The following FMN2 variants were observed in gnomAD, a reference collection of about 807,000 sequenced individuals.
FMN2 encodes the protein formin 2.
FMN2 carries 51 observed loss-of-function variants against 142.3 expected under a neutral mutation model. That is an observed-to-expected ratio of 0.36 (90% CI 0.29 to 0.45). FMN2 has a LOEUF of 0.45. FMN2 is among the 20% of genes least tolerant of loss of function. The pLI is 1.00. For synonymous variants in FMN2, 882 were observed against 869.8 expected (o/e 1.01, Z -0.25); for missense variants, 1,936 against 2,122.8 (o/e 0.91, Z 1.73).
chr1:240,436,209 CCTGA>C (rs1326857668), intron 15 of FMN2, among the ~76,000 whole-genome samples: 1 of 152,122 alleles, frequency 6.6e-6, no homozygotes, highest in African/African-American at 2.4e-5. Context: ...CACTTCACAG[CCTGA>C]CTCTTTCTCA....
intron 2 of FMN2, among the ~76,000 whole-genome samples, chr1:240,148,134 A>G (rs1663566780): frequency 6.6e-6 from 1 of 152,190 alleles, no homozygotes; most frequent in Non-Finnish European, 1.5e-5. Flanking sequence ...CTTGTGTGTA[A>G]CTGAGAAACT....
chr1:240,214,323 G>A (rs1023897938), intron 6 of FMN2, among the ~76,000 whole-genome samples: 8 of 151,534 alleles, frequency 5.3e-5, no homozygotes, highest in South Asian at 2.1e-4. Context: ...AGGCCGAGGC[G>A]GGCGGATCAC....
At chr1:240,324,349 C>A (rs1671079867) in intron 8 of FMN2, among the ~76,000 whole-genome samples, 1 of 152,108 alleles carries the variant, frequency 6.6e-6, no homozygotes, top group African/African-American at 2.4e-5. Context: ...TTAAAAAATA[C>A]AAACTGTGCT....
At chr1:240,295,125 T>A (rs998161647) in intron 8 of FMN2, among the ~76,000 whole-genome samples, 18 of 152,084 alleles carry the variant, frequency 1.2e-4, no homozygotes, top group African/African-American at 4.3e-4. Flanking sequence ...ATTATTTTTT[T>A]AAATTTAAAT....
At chr1:240,288,119 G>A (rs986690) in intron 7 of FMN2, among the ~76,000 whole-genome samples, 41,771 of 152,066 alleles carry the variant, frequency 0.27, 6,327 homozygotes, top group Admixed American at 0.46. Flanking sequence ...TAGCCTTTCA[G>A]CATTCGAGAA....
chr1:240,267,946 C>G (rs1668873698), intron 7 of FMN2, among the ~76,000 whole-genome samples: 2 of 151,980 alleles, frequency 1.3e-5, no homozygotes. Context: ...AAATGCAAAT[C>G]CAAATCATTA....
At chr1:240,411,131 T>C (rs1048796454) in intron 15 of FMN2, among the ~76,000 whole-genome samples, 2 of 152,190 alleles carry the variant, frequency 1.3e-5, no homozygotes, top group Non-Finnish European at 2.9e-5. Context: ...AATATAAATT[T>C]TCAGACACGC....
chr1:240,194,170 C>T (rs1665825463), intron 4 of FMN2, among the ~76,000 whole-genome samples: 1 of 151,818 alleles, frequency 6.6e-6, no homozygotes, highest in Non-Finnish European at 1.5e-5. Flanking sequence ...CTAAATTTGT[C>T]TAAACTTGAT....
intron 2 of FMN2, among the ~76,000 whole-genome samples, chr1:240,149,024 T>C (rs967386785): frequency 1.3e-5 from 2 of 152,174 alleles, no homozygotes; most frequent in Non-Finnish European, 2.9e-5. Context: ...GTAATCTTAT[T>C]CAATATATAC....
intron 7 of FMN2, among the ~76,000 whole-genome samples, chr1:240,266,020 C>CTTCT (rs11408550): frequency 0.019 from 2,583 of 136,404 alleles, 78 homozygotes; most frequent in African/African-American, 0.067. Flanking sequence ...CTGTTACTTC[C>CTTCT]TTTTTTTTTT....
intron 7 of FMN2, among the ~76,000 whole-genome samples, chr1:240,264,854 G>C (rs993728975): frequency 6.6e-6 from 1 of 152,062 alleles, no homozygotes; most frequent in Non-Finnish European, 1.5e-5. Context: ...TTTGAACTTT[G>C]CTTCTTCCGC....
chr1:240,094,617 C>A (rs1393327401), intron 1 of FMN2, among the ~76,000 whole-genome samples: 1 of 152,032 alleles, frequency 6.6e-6, no homozygotes, highest in Non-Finnish European at 1.5e-5. Flanking sequence ...ACCTTAAGAG[C>A]CCAACATGTT....
At chr1:240,443,394 C>G (rs760397887) in intron 16 of FMN2, among the ~76,000 whole-genome samples, 1 of 152,258 alleles carries the variant, frequency 6.6e-6, no homozygotes, top group South Asian at 2.1e-4. Context: ...CATCACTGAG[C>G]AACACAAAAC....
At chr1:240,359,623 T>C (rs758516710) in intron 14 of FMN2, among the ~76,000 whole-genome samples, 5 of 152,342 alleles carry the variant, frequency 3.3e-5, no homozygotes, top group South Asian at 2.1e-4. Flanking sequence ...CAAGATTTCA[T>C]GGTCTATGTT....
In FMN2 at chr1:240,367,685, G is replaced by A. The variant is rs147934415; in HGVS notation, c.4858+11777G>A. 7.3e-3 allele frequency among the ~76,000 whole-genome samples: 1,098 copies of A among 149,624 alleles called. 16 individuals carry two copies. The highest frequency in any genetic ancestry group is 0.025 in the African/African-American group (1,030 of 40,736). The stretch of plus-strand genomic sequence containing the variant: ...CGGGAGGCTGAGGCAAAAGAATGGC[G>A]TGAACCTGGGAGGCAGAGGTTGCAG... On this transcript the variant is annotated intron_variant, in intron 14 of 17. Transcript: ENST00000319653.
At chr1:240,183,064 G>A (rs955662549) in intron 3 of FMN2, among the ~76,000 whole-genome samples, 1 of 151,694 alleles carries the variant, frequency 6.6e-6, no homozygotes, top group Non-Finnish European at 1.5e-5. Context: ...TTACAGGTGT[G>A]AGCTACCACT....
At chr1:240,405,059 A>G (rs1195793054) in intron 15 of FMN2, among the ~76,000 whole-genome samples, 1 of 152,150 alleles carries the variant, frequency 6.6e-6, no homozygotes, top group Non-Finnish European at 1.5e-5. Flanking sequence ...CCTAGAACAG[A>G]CTAAACTGTC....
chr1:240,441,150 A>G (rs1472998738), intron 16 of FMN2, among the ~76,000 whole-genome samples: 1 of 151,992 alleles, frequency 6.6e-6, no homozygotes, highest in African/African-American at 2.4e-5. Flanking sequence ...GCCCGCCTCC[A>G]TGCCCGGCTA....
intron 8 of FMN2, among the ~76,000 whole-genome samples, chr1:240,309,311 C>T (rs993077860): frequency 1.3e-5 from 2 of 152,092 alleles, no homozygotes; most frequent in Admixed American, 6.6e-5. Flanking sequence ...CGTCTCTGGG[C>T]AAGCAAGAAA....
Sources: allele counts gnomAD v4.1 joint callset (sites outside exome capture counted in the v4.1 genomes callset), GRCh38; gene constraint gnomAD v4.1.1; transcripts MANE v1.5; gene names NCBI Gene and HGNC (gene_info 2026-07-23, HGNC 2026-07-21).